Variants in CRAMP1 observed in about 807,000 individuals in gnomAD.
CRAMP1 encodes protein cramped-like.
In CRAMP1, 50 loss-of-function variants were observed where a neutral mutation model predicts 115.4. That is an observed-to-expected ratio of 0.43 (90% confidence interval 0.35 to 0.55). The LOEUF is 0.55. Among genes scored for constraint, CRAMP1 ranks in the 20% least tolerant of loss-of-function variants. CRAMP1 has a pLI of 0.01. For synonymous variants in CRAMP1, 866 were observed against 745.4 expected (o/e 1.16, Z -2.64); for missense variants, 1,679 against 1,721.7 (o/e 0.98, Z 0.44).
At chr16:1,662,922 G>C (rs536478472) in intron 13 of CRAMP1, 87 bp downstream of exon 13, 2 of 1,058,906 alleles carry the variant, frequency 1.9e-6, no homozygotes, top group Non-Finnish European at 2.8e-6. Flanking sequence ...CATTTTCATG[G>C]TGTAAAATGT....
At chr16:1,650,558 TAC>T (rs1365021629) in intron 6 of CRAMP1, among the ~76,000 whole-genome samples, 3 of 152,242 alleles carry the variant, frequency 2.0e-5, no homozygotes, top group Admixed American at 6.5e-5. Context: ...GCTAACCACT[TAC>T]AGTCATTTCA....
In CRAMP1 at chr16:1,657,017, T is replaced by G. The variant is rs550323023; in HGVS notation, c.2235+25T>G. On this transcript the variant is annotated intron_variant, in intron 10 of 20. Transcript: ENST00000397412. ...GGTGAGTGGGTTGGAGCCCAGCCCC[T>G]CTGGCGGCCCAAGGGAAGCCAGGCC... 7.4e-5 allele frequency: 109 copies of G among 1,476,952 alleles called. No individual in the cohort carries two copies. The African/African-American group carries it at 1.3e-3, about 18-fold the overall frequency. 91.5% of individuals were successfully genotyped at this position (1,476,952 alleles called of 1,614,324 possible). A position where few individuals can be genotyped will look rare whatever the true frequency, so the allele number is the denominator to read the frequency against.
At chr16:1,640,940 C>CG (rs2036626571) in intron 5 of CRAMP1, among the ~76,000 whole-genome samples, 199 bp from the exon 6 acceptor site, 2 of 151,914 alleles carry the variant, frequency 1.3e-5, no homozygotes, top group Admixed American at 1.3e-4. Flanking sequence ...TTCAGGTGAG[C>CG]GGGGGCGACC....
At chr16:1,626,205 G>A (rs764291142) in intron 3 of CRAMP1, 39 bp downstream of exon 3, 12 of 1,438,434 alleles carry the variant, frequency 8.3e-6, no homozygotes, top group East Asian at 2.6e-5. Flanking sequence ...CAGCCTGGGC[G>A]TCCCTCTCGG....
intron 4 of CRAMP1, 127 bp downstream of exon 4, chr16:1,632,492 G>T (rs2036555109): frequency 2.7e-5 from 26 of 972,818 alleles, no homozygotes; most frequent in Middle Eastern, 6.6e-4. Context: ...TTGGCCTGGG[G>T]CTCCTCGCCT....
At chr16:1,634,866 C>T (rs117301443) in intron 4 of CRAMP1, among the ~76,000 whole-genome samples, 2 of 152,282 alleles carry the variant, frequency 1.3e-5, no homozygotes, top group East Asian at 1.9e-4. Context: ...AACTTTTTCA[C>T]GTTACATGTA....
chr16:1,651,941 C>T (rs1420242396), intron 6 of CRAMP1, among the ~76,000 whole-genome samples: 1 of 149,550 alleles, frequency 6.7e-6, no homozygotes, highest in South Asian at 2.1e-4. Flanking sequence ...AGAGAGGTCA[C>T]GTAGAAGTGG....
At position 1,656,974 on chromosome 16, in the gene CRAMP1, C is replaced by A; in HGVS notation, c.2217C>A (p.Thr739=). The A allele has an allele frequency of 6.5e-7, 1 of 1,542,192 alleles. No homozygotes were observed. The highest frequency in any genetic ancestry group is 1.2e-5 in the South Asian group (1 of 82,010). ...LLSCLLKLIS[T]EVNPKLALEA... is the part of the protein sequence containing the mutation. The stretch of plus-strand genomic sequence containing the variant: ...GCTGCCTCCTGAAGCTCATTTCCAC[C>A]GAGGTCAACCCCAAGCTGGTGAGTG... Residue 739 remains threonine (T), a synonymous_variant, in exon 10 of 21, where the codon ACC becomes ACA. Coordinates refer to ENST00000397412, the MANE Select transcript of CRAMP1 (RefSeq NM_020825.4). The surrounding 1 kb of genome is among the most constrained non-coding windows in gnomAD (Gnocchi z 5.6).
chr16:1,620,898 T>G (rs944584161), intron 2 of CRAMP1, among the ~76,000 whole-genome samples: 1 of 150,336 alleles, frequency 6.7e-6, no homozygotes, highest in Non-Finnish European at 1.5e-5. Flanking sequence ...ACTTCGGGGC[T>G]TCTAAAGCCT....
rs186727389 is a variant in CRAMP1 at position 1,656,416 on chromosome 16, C to T, written c.1659C>T (p.Asp553=). The stretch of plus-strand genomic sequence containing the variant: ...GTGGCCAGCTCCCAGACCTGGAGGA[C>T]GAGCTCTCGCTTCTAGACCCCTTGC... The part of the protein sequence containing the change: ...CACGQLPDLE[D]ELSLLDPLPR... Residue 553 remains aspartate (D), a synonymous_variant, in exon 10 of 21, where the codon GAC becomes GAT. Coordinates refer to ENST00000397412, the MANE Select transcript of CRAMP1 (RefSeq NM_020825.4). This position sits in a 1 kb window ranked among gnomAD's most constrained non-coding sequence, Gnocchi z 5.6. The T allele has an allele frequency of 1.2e-4, 198 of 1,587,830 alleles. 3 individuals carry two copies. The Middle Eastern group carries it at 2.2e-3, about 17-fold the overall frequency.
rs117147584 is a variant in CRAMP1 at position 1,629,750 on chromosome 16, G to A, written c.541-2462G>A. ...AGGAAGGCCTTTCACGTGCTGCTTC[G>A]CCTCTTTATGCTTTATCTGCCATTC... On this transcript the variant is annotated intron_variant, in intron 3 of 20. Transcript: ENST00000397412. 4.6e-3 allele frequency among the ~76,000 whole-genome samples: 700 copies of A among 152,268 alleles called. 3 individuals are homozygous for A. Among genetic ancestry groups the A allele is most frequent in the Non-Finnish European group, 7.8e-3 (529 of 68,010 alleles).
intron 4 of CRAMP1, 48 bp from the exon 5 acceptor site, chr16:1,637,776 G>A (rs1567451930): frequency 1.4e-5 from 14 of 978,200 alleles, no homozygotes; most frequent in Non-Finnish European, 2.0e-5. Context: ...AAGCCAGGCA[G>A]CGCCTCCTGT....
rs2036955175 is a variant in CRAMP1 at position 1,674,996 on chromosome 16, A to G, written c.*951A>G. 1 of 152,242 alleles carries G rather than the reference A, an allele frequency of 6.6e-6. No homozygotes were observed. The highest frequency in any genetic ancestry group is 6.5e-5 in the Admixed American group (1 of 15,290). 9.4% of individuals were successfully genotyped at this position (152,242 alleles called of 1,614,324 possible). ...GAGACAAACCTGCCTTTGCAGGGAA[A>G]GTGTCTCTCACGGGCATTGGTGTGG... On this transcript the variant is annotated 3_prime_UTR_variant, in exon 21 of 21. Coordinates refer to ENST00000397412, the MANE Select transcript of CRAMP1 (RefSeq NM_020825.4).
At chr16:1,642,626 C>T (rs545372883) in intron 6 of CRAMP1, among the ~76,000 whole-genome samples, 7 of 152,218 alleles carry the variant, frequency 4.6e-5, no homozygotes, top group Non-Finnish European at 8.8e-5. Context: ...TTATCCTGAG[C>T]AGCACTGGGC....
chr16:1,655,398 C>A, intron 9 of CRAMP1, 98 bp downstream of exon 9: 1 of 967,312 alleles, frequency 1.0e-6, no homozygotes, highest in East Asian at 2.4e-5. Context: ...TCATGGTCCC[C>A]GTGGGCAGAA....
intron 2 of CRAMP1, among the ~76,000 whole-genome samples, chr16:1,621,506 C>T (rs994985559): frequency 9.9e-5 from 15 of 152,148 alleles, no homozygotes; most frequent in African/African-American, 1.4e-4. Context: ...AGAACTGTGG[C>T]GCTGACACGG....
At chr16:1,617,955 T>G (rs1001832334) in intron 2 of CRAMP1, among the ~76,000 whole-genome samples, 1 of 152,200 alleles carries the variant, frequency 6.6e-6, no homozygotes, top group Admixed American at 6.5e-5. Context: ...ATGCTCAACC[T>G]AAACTCAAGG....
chr16:1,637,789 C>T (rs1378231431), intron 4 of CRAMP1, 35 bp from the exon 5 acceptor site: 3 of 1,211,892 alleles, frequency 2.5e-6, no homozygotes, highest in African/African-American at 3.1e-5. Context: ...CCTCCTGTTC[C>T]CCTCTCTAAA....
intron 2 of CRAMP1, among the ~76,000 whole-genome samples, chr16:1,618,503 G>A (rs759921166): frequency 1.1e-4 from 17 of 152,138 alleles, no homozygotes; most frequent in Non-Finnish European, 1.8e-4. Context: ...GAGAACACTG[G>A]GGGTGGGGAC....
Sources: allele counts gnomAD v4.1 joint callset (sites outside exome capture counted in the v4.1 genomes callset), GRCh38; gene constraint gnomAD v4.1.1; non-coding constraint Gnocchi (gnomAD v3.1); transcripts MANE v1.5; gene names NCBI Gene and HGNC (gene_info 2026-07-23, HGNC 2026-07-21).